ZNF566: variants seen among roughly 807,000 people sequenced by gnomAD.
ZNF566 encodes zinc finger protein 566.
A neutral mutation model predicts 32.8 loss-of-function variants in ZNF566; 27 were observed. The ratio of observed to expected loss-of-function variants is 0.82; its 90% CI spans 0.61 to 1.14. The LOEUF (loss-of-function observed/expected upper bound fraction) is 1.14, where lower values mean the gene tolerates loss of function less well. Ranked by LOEUF, ZNF566 falls within the 50% of genes most tolerant of loss-of-function variation. The probability of loss-of-function intolerance (pLI) is 0.00; values close to 1 mark genes in which losing one functional copy is unlikely to be tolerated. For synonymous variants in ZNF566, 154 were observed against 159.5 expected (o/e 0.97, Z 0.26); for missense variants, 402 against 490.4 (o/e 0.82, Z 1.70).
chr19:36,473,058 T>A, intron 3 of ZNF566, 52 bp from the exon 4 acceptor site: 1 of 1,504,804 alleles, frequency 6.6e-7, no homozygotes, highest in Non-Finnish European at 9.2e-7. Context: ...TATCCTAGAA[T>A]TCAAATCCAG....
intron 4 of ZNF566, among the ~76,000 whole-genome samples, chr19:36,468,199 A>AG (rs1376879882): frequency 6.6e-6 from 1 of 151,640 alleles, no homozygotes; most frequent in African/African-American, 2.4e-5. Flanking sequence ...AAAAAAAAAA[A>AG]AAAAAATTAA....
chr19:36,473,895 G>A (rs1052271394), intron 2 of ZNF566, among the ~76,000 whole-genome samples: 33 of 152,268 alleles, frequency 2.2e-4, no homozygotes, highest in African/African-American at 7.7e-4. Context: ...GAGAAGAGCA[G>A]GTCATATAAA....
rs1201913478 is a variant in ZNF566 at position 36,446,803 on chromosome 19, G to C, written c.*2174C>G. ...TGAAATATTTTACTTCCTTATGCCA[G>C]TAAAGTAAAGTAACACAATGTTCAG... On this transcript the variant is annotated 3_prime_UTR_variant, in exon 5 of 5. Coordinates refer to ENST00000452939, the MANE Select transcript of ZNF566 (RefSeq NM_001145344.1). The C allele has an allele frequency of 6.6e-6, 1 of 151,878 alleles. No homozygotes were observed. The highest frequency in any genetic ancestry group is 2.4e-5 in the African/African-American group (1 of 41,192). The allele number at this position is 151,878 out of a possible 1,614,324, so 9.4% of individuals were successfully genotyped here.
At chr19:36,481,388 T>C (rs1231298789) in intron 1 of ZNF566, among the ~76,000 whole-genome samples, 1 of 149,502 alleles carries the variant, frequency 6.7e-6, no homozygotes, top group Non-Finnish European at 1.5e-5. Flanking sequence ...GGAGAATCAC[T>C]TGAACCCAGG....
intron 4 of ZNF566, among the ~76,000 whole-genome samples, chr19:36,457,395 G>A (rs2033343666): frequency 6.6e-6 from 1 of 152,288 alleles, no homozygotes; most frequent in East Asian, 1.9e-4. Flanking sequence ...CACAGAGTGG[G>A]ATAAAATATT....
At position 36,448,558 on chromosome 19, in the gene ZNF566, T is replaced by G. The variant is rs1008855755; in HGVS notation, c.*419A>C. On this transcript the variant is annotated 3_prime_UTR_variant, in exon 5 of 5. Transcript: ENST00000452939. ...GTATACAAATCAGGATGTAAACAGA[T>G]GAAATTTATAGCCATATAAATTTAA... 6.5e-6 allele frequency: 1 copy of G among 154,030 alleles called. No individual in the cohort carries two copies. Among genetic ancestry groups the G allele is most frequent in the African/African-American group, 2.4e-5 (1 of 41,470 alleles). 9.5% of individuals were successfully genotyped at this position (154,030 alleles called of 1,614,324 possible). A position where few individuals can be genotyped will look rare whatever the true frequency, so the allele number is the denominator to read the frequency against.
intron 1 of ZNF566, among the ~76,000 whole-genome samples, chr19:36,480,256 T>A (rs2033992058): frequency 6.6e-6 from 1 of 151,650 alleles, no homozygotes; most frequent in Admixed American, 6.6e-5. Context: ...TGTCACCTGA[T>A]TTATGACAAA....
At position 36,477,545 on chromosome 19, in the gene ZNF566, G is replaced by GTTTTTT. The variant is rs2033924883; in HGVS notation, c.-59-930_-59-929insAAAAAA. 2.4e-5 allele frequency among the ~76,000 whole-genome samples: 2 copies of GTTTTTT among 84,934 alleles called. 1 individual carries two copies. The highest frequency in any genetic ancestry group is 8.1e-5 in the African/African-American group (2 of 24,574). The allele number at this position is 84,934 out of a possible 152,430, so 55.7% of individuals were successfully genotyped here. Reference sequence around the variant, plus strand: ...GTTTCTGTTTTTTTTTTGTTTGTTTGTTTGTTTTTTTGAGACGGAGTCTTG... The same window carrying GTTTTTT: ...GTTTCTGTTTTTTTTTTGTTTGTTTGTTTTTTTTTGTTTTTTTGAGACGGAGTCTTG... On this transcript the variant is annotated intron_variant, in intron 1 of 4. Coordinates refer to ENST00000452939, the MANE Select transcript of ZNF566 (RefSeq NM_001145344.1).
Position 36,446,705 on chromosome 19 carries a change from T to C in ZNF566, c.*2272A>G, listed in dbSNP as rs1406461922. On this transcript the variant is annotated 3_prime_UTR_variant, in exon 5 of 5. Transcript: ENST00000452939. ...TTTTCATTTTGATAACGCAAAACAT[T>C]ACAACAGTCCATTTTTAGTAATTCT... 1 of 152,238 alleles carries C rather than the reference T, an allele frequency of 6.6e-6. No individual in the cohort carries two copies. Among genetic ancestry groups the C allele is most frequent in the East Asian group, 1.9e-4 (1 of 5,204 alleles). The allele number at this position is 152,238 out of a possible 1,614,324, so 9.4% of individuals were successfully genotyped here.
At chr19:36,453,539 T>C (rs7248262) in intron 4 of ZNF566, among the ~76,000 whole-genome samples, 1 of 150,314 alleles carries the variant, frequency 6.7e-6, no homozygotes, top group Admixed American at 6.7e-5. Flanking sequence ...AAAATAAAAA[T>C]AAATAAACCT....
intron 4 of ZNF566, among the ~76,000 whole-genome samples, chr19:36,464,825 A>G (rs1033049202): frequency 1.3e-5 from 2 of 152,156 alleles, no homozygotes; most frequent in Non-Finnish European, 2.9e-5. Flanking sequence ...GTTTCTGAAG[A>G]TCCAAAAAGT....
rs191548172 is a variant in ZNF566 at position 36,452,310 on chromosome 19, T to C, written c.233-2309A>G. On this transcript the variant is annotated intron_variant, in intron 4 of 4. Coordinates refer to ENST00000452939, the MANE Select transcript of ZNF566 (RefSeq NM_001145344.1). ...GAAATGACTACGGAATGAGATATGA[T>C]GAAAAGAAAAAATGAGTATAGCAAG... Among the ~76,000 whole-genome samples, 14 of 151,738 alleles carry C rather than the reference T, an allele frequency of 9.2e-5. No individual in the cohort carries two copies. The East Asian group carries it at 2.7e-3, about 29-fold the overall frequency.
At chr19:36,467,790 C>CAAAAAAAAAAAAAAAAAAAAAAAAAA (rs560803094) in intron 4 of ZNF566, among the ~76,000 whole-genome samples, 2 of 85,918 alleles carry the variant, frequency 2.3e-5, no homozygotes, top group Admixed American at 1.7e-4. Context: ...GACTCCATCT[C>CAAAAAAAAAAAAAAAAAAAAAAAAAA]AAAAAAAAAA....
intron 4 of ZNF566, among the ~76,000 whole-genome samples, chr19:36,454,568 A>G (rs557250649): frequency 6.6e-6 from 1 of 152,162 alleles, no homozygotes; most frequent in African/African-American, 2.4e-5. Flanking sequence ...CAACAACAAC[A>G]ACACAAAAGA....
intron 4 of ZNF566, among the ~76,000 whole-genome samples, chr19:36,464,713 G>A (rs1001447809): frequency 1.3e-5 from 2 of 152,004 alleles, no homozygotes; most frequent in African/African-American, 4.8e-5. Flanking sequence ...GGTAGAAGCT[G>A]CAGTGAGCCG....
chr19:36,472,279 G>A (rs1284174806), intron 4 of ZNF566, among the ~76,000 whole-genome samples: 2 of 152,064 alleles, frequency 1.3e-5, no homozygotes, highest in African/African-American at 2.4e-5. Flanking sequence ...TGACTTCTAT[G>A]TGGATCAACC....
In ZNF566 at chr19:36,452,340, T is replaced by A. The variant is rs562481328; in HGVS notation, c.233-2339A>T. ...AGAAAAAATGAGTATAGCAAGGTGG[T>A]TGAGAAAACTGAAGGCTTTAGGGTT... On this transcript the variant is annotated intron_variant, in intron 4 of 4. Transcript: ENST00000452939. Among the ~76,000 whole-genome samples the A allele has an allele frequency of 8.6e-5, 13 of 151,734 alleles. No individual in the cohort carries two copies. In the South Asian group the frequency reaches 2.5e-3, roughly 29 times the overall value.
In ZNF566 at chr19:36,449,078, G is replaced by T. The variant is rs377728867; in HGVS notation, c.1156C>A (p.His386Asn). 1.9e-6 allele frequency: 3 copies of T among 1,613,838 alleles called. No homozygotes were observed. The highest frequency in any genetic ancestry group is 2.5e-6 in the Non-Finnish European group (3 of 1,179,968). ...YSQSSQLISH[H>N]RIHTSEKPYE... ...GGTTTCTCACTAGTATGAATTCTAT[G>T]ATGACTAATAAGCTGTGAACTCTGA... is the stretch of plus-strand genomic sequence containing the variant. Residue 386 changes from histidine (H) to asparagine (N), a missense_variant, in exon 5 of 5, where the codon CAT (histidine) becomes AAT (asparagine). This residue lies in a region of ZNF566 where 47 missense variants were observed against 38.5 expected (regional missense o/e 1.22). Transcript: ENST00000452939.
At chr19:36,460,038 C>T (rs186694413) in intron 4 of ZNF566, among the ~76,000 whole-genome samples, 146 of 151,780 alleles carry the variant, frequency 9.6e-4, no homozygotes, top group African/African-American at 3.5e-3. Flanking sequence ...AACTCCTGAC[C>T]TCAAGTGATC....
Sources: gnomAD v4.1 joint callset for allele counts (sites outside exome capture counted in the v4.1 genomes callset) on GRCh38, gnomAD v4.1.1 for gene constraint, gnomAD v4.1.1 regional missense constraint, MANE v1.5 for transcripts, NCBI Gene and HGNC (gene_info 2026-07-23, HGNC 2026-07-21) for gene names.